Variants in ZNF516 observed in about 807,000 individuals in gnomAD.
ZNF516 encodes the protein zinc finger protein 516.
In ZNF516, 19 loss-of-function variants were observed where a neutral mutation model predicts 79.7. That is an observed-to-expected ratio of 0.24 (90% confidence interval 0.17 to 0.35). ZNF516 has a LOEUF of 0.35. Ranked by LOEUF, ZNF516 falls within the 10% of genes least tolerant of loss-of-function variation. ZNF516 has a pLI of 1.00. For missense variants in ZNF516, 1,678 were observed against 1,679.5 expected (o/e 1.00, Z 0.02); for synonymous variants, 877 against 739.5 (o/e 1.19, Z -3.02).
At chr18:76,374,437 G>A (rs2074754441) in intron 4 of ZNF516, among the ~76,000 whole-genome samples, 1 of 152,200 alleles carries the variant, frequency 6.6e-6, no homozygotes, top group Non-Finnish European at 1.5e-5. Context: ...GTCCCTAAAG[G>A]AGGTAGCAAT....
intron 1 of ZNF516, among the ~76,000 whole-genome samples, chr18:76,477,803 T>G (rs1914261341): frequency 6.6e-6 from 1 of 152,052 alleles, no homozygotes; most frequent in South Asian, 2.1e-4. Flanking sequence ...GCAAACTCAT[T>G]ACACTGCATT....
intron 3 of ZNF516, among the ~76,000 whole-genome samples, chr18:76,410,322 G>A (rs1306387145): frequency 6.6e-6 from 1 of 152,176 alleles, no homozygotes; most frequent in African/African-American, 2.4e-5. Flanking sequence ...TGATTCTCGG[G>A]TCAGGGCTTC....
chr18:76,494,321 C>T (rs1411663229), intron 1 of ZNF516, among the ~76,000 whole-genome samples: 1 of 151,148 alleles, frequency 6.6e-6, no homozygotes, highest in Admixed American at 6.6e-5. Context: ...CAACCACACA[C>T]ACCCCACCGC....
At chr18:76,490,946 G>A (rs1915145846) in intron 1 of ZNF516, 4 of 985,342 alleles carry the variant, frequency 4.1e-6, no homozygotes, top group South Asian at 4.7e-5. Context: ...ACACTGTGAG[G>A]TCACACACGC....
intron 3 of ZNF516, among the ~76,000 whole-genome samples, chr18:76,430,880 T>C (rs2075652274): frequency 6.6e-6 from 1 of 152,234 alleles, no homozygotes; most frequent in African/African-American, 2.4e-5. Context: ...TTCAAATCAA[T>C]GGCTTCCTTT....
chr18:76,445,209 A>G (rs1274012007), intron 2 of ZNF516, among the ~76,000 whole-genome samples: 3 of 151,390 alleles, frequency 2.0e-5, no homozygotes, highest in Admixed American at 2.0e-4. Context: ...GTGAGCTGAG[A>G]TCATGCCACT....
chr18:76,477,422 C>A (rs1337299829), intron 1 of ZNF516, among the ~76,000 whole-genome samples: 2 of 152,134 alleles, frequency 1.3e-5, no homozygotes, highest in African/African-American at 4.8e-5. Context: ...AGAACGGGAC[C>A]CAGCCCCACA....
chr18:76,496,190 C>T, upstream of ZNF516: 1 of 1,150,654 alleles, frequency 8.7e-7, no homozygotes, highest in Non-Finnish European at 1.1e-6. Context: ...CGGGTCGGAG[C>T]TAGCGAGGGC....
At chr18:76,489,258 T>A (rs1335355661) in intron 1 of ZNF516, among the ~76,000 whole-genome samples, 1 of 152,208 alleles carries the variant, frequency 6.6e-6, no homozygotes, top group Non-Finnish European at 1.5e-5. Flanking sequence ...TCAAGAATAA[T>A]CCATGACTAA....
intron 3 of ZNF516, among the ~76,000 whole-genome samples, chr18:76,407,393 C>A (rs1295432033): frequency 6.6e-6 from 1 of 152,148 alleles, no homozygotes; most frequent in Non-Finnish European, 1.5e-5. Context: ...CCACTGCACT[C>A]CAGCCTGAGC....
intron 3 of ZNF516, among the ~76,000 whole-genome samples, chr18:76,391,185 T>C (rs1268656570): frequency 6.6e-6 from 1 of 152,118 alleles, no homozygotes; most frequent in Non-Finnish European, 1.5e-5. Flanking sequence ...GTCTGCACTT[T>C]AGGAAACACG....
chr18:76,481,655 G>C (rs750982537), intron 1 of ZNF516, among the ~76,000 whole-genome samples: 1 of 152,178 alleles, frequency 6.6e-6, no homozygotes, highest in Non-Finnish European at 1.5e-5. Context: ...CCTAAGACCT[G>C]TGCATATTAA....
At chr18:76,491,089 G>A (rs928537562) in intron 1 of ZNF516, 68 of 985,124 alleles carry the variant, frequency 6.9e-5, no homozygotes, top group African/African-American at 4.7e-4. Flanking sequence ...AATCGTCCTC[G>A]GGGCCACGCC....
At chr18:76,420,956 T>C (rs1357805683) in intron 3 of ZNF516, among the ~76,000 whole-genome samples, 1 of 152,120 alleles carries the variant, frequency 6.6e-6, no homozygotes, top group East Asian at 1.9e-4. Context: ...AATCATGAAT[T>C]TTGGTGGTGC....
chr18:76,383,537 C>A (rs1316184840), intron 3 of ZNF516, among the ~76,000 whole-genome samples: 3 of 147,064 alleles, frequency 2.0e-5, no homozygotes, highest in Non-Finnish European at 3.0e-5. Flanking sequence ...GGACCCATGA[C>A]CCTCTTCCCC....
intron 3 of ZNF516, among the ~76,000 whole-genome samples, chr18:76,432,105 TA>T (rs1219529796): frequency 1.3e-5 from 2 of 152,212 alleles, no homozygotes; most frequent in Non-Finnish European, 2.9e-5. Context: ...AAGGACTCCT[TA>T]AGGAAAGGAC....
intron 1 of ZNF516, among the ~76,000 whole-genome samples, chr18:76,476,784 C>T (rs1417643645): frequency 6.6e-6 from 1 of 152,140 alleles, no homozygotes; most frequent in Non-Finnish European, 1.5e-5. Context: ...CTAGGTGAAC[C>T]GTAGGCAACT....
At chr18:76,438,147 G>C (rs1439619438) in intron 3 of ZNF516, among the ~76,000 whole-genome samples, 3 of 152,226 alleles carry the variant, frequency 2.0e-5, no homozygotes, top group Non-Finnish European at 4.4e-5. Context: ...AGGCATCCCA[G>C]TCCAGGCACT....
rs1278764729 is a variant in ZNF516, at chr18:76,442,262, C to A, written c.793G>T (p.Ala265Ser). The A allele has an allele frequency of 1.2e-6, 2 of 1,613,608 alleles. No homozygotes were observed. Among genetic ancestry groups the A allele is most frequent in the Admixed American group, 3.3e-5 (2 of 60,012 alleles). ...GAGCCCCGGTGCTTCTTCATGTGCG[C>A]CTTCAGGAACCAGGTCTGGCTGAAG... is the stretch of plus-strand genomic sequence containing the variant. ...QAFSQTWFLK[A>S]HMKKHRGSFD... The change falls in exon 3 of 7, where the codon GCG becomes TCG. Residue 265 changes from alanine to serine, a missense_variant. Transcript: ENST00000443185.
Sources: gnomAD v4.1 joint callset for allele counts (sites outside exome capture counted in the v4.1 genomes callset) on GRCh38, gnomAD v4.1.1 for gene constraint, MANE v1.5 for transcripts, NCBI Gene and HGNC (gene_info 2026-07-23, HGNC 2026-07-21) for gene names.